The following MSI2 variants were observed in gnomAD, a reference collection of about 807,000 sequenced individuals.
MSI2 encodes RNA-binding protein Musashi homolog 2.
A neutral mutation model predicts 45.6 loss-of-function variants in MSI2; 17 were observed. The ratio of observed to expected loss-of-function variants is 0.37; its 90% confidence interval spans 0.26 to 0.56. The LOEUF is 0.56. MSI2 is among the 20% of genes least tolerant of loss of function. MSI2 has a pLI of 0.77. For synonymous variants in MSI2, 156 were observed against 158.2 expected (o/e 0.99, Z 0.11); for missense variants, 293 against 444.2 (o/e 0.66, Z 3.06).
At chr17:57,479,257 G>A (rs1349995272) in intron 6 of MSI2, among the ~76,000 whole-genome samples, 4 of 152,188 alleles carry the variant, frequency 2.6e-5, no homozygotes, top group Non-Finnish European at 4.4e-5. Flanking sequence ...ATGGGGCTTT[G>A]AGTGTTGGGG....
At chr17:57,307,692 G>A (rs1371543842) in intron 5 of MSI2, among the ~76,000 whole-genome samples, 2 of 151,132 alleles carry the variant, frequency 1.3e-5, no homozygotes, top group African/African-American at 4.9e-5. Context: ...CCCATCCACT[G>A]GCCTTGGCCT....
At chr17:57,650,604 C>T (rs1285272779) in intron 10 of MSI2, among the ~76,000 whole-genome samples, 1 of 152,184 alleles carries the variant, frequency 6.6e-6, no homozygotes, top group African/African-American at 2.4e-5. Flanking sequence ...CCAGGGACAA[C>T]CATACATTTA....
chr17:57,346,179 G>A (rs1341468508), intron 5 of MSI2, among the ~76,000 whole-genome samples: 2 of 152,010 alleles, frequency 1.3e-5, no homozygotes, highest in African/African-American at 4.8e-5. Context: ...AAAACATTTT[G>A]TAAGAAAACT....
the MSI2 span, among the ~76,000 whole-genome samples, chr17:57,690,730 G>A: frequency 2.5e-5 from 3 of 118,098 alleles, no homozygotes; most frequent in African/African-American, 1.3e-4. Context: ...CCCAGTCTTT[G>A]GCTATTCTCT....
chr17:57,629,877 A>G (rs1348120957), intron 10 of MSI2: 1 of 152,426 alleles, frequency 6.6e-6, no homozygotes, highest in Non-Finnish European at 1.5e-5. Flanking sequence ...TCAGGCTGCC[A>G]TTGCCCCTGA....
At chr17:57,585,038 G>C (rs2088309250) in intron 7 of MSI2, among the ~76,000 whole-genome samples, 1 of 151,998 alleles carries the variant, frequency 6.6e-6, no homozygotes, top group African/African-American at 2.4e-5. Context: ...GGCTGGTCTT[G>C]AACTCCTGAC....
Position 57,485,593 on chromosome 17 carries a change from G to A in MSI2, c.406-44083G>A, listed in dbSNP as rs72833060. ...CCCGTGATTCAACAGTTGGGGAAAT[G>A]TGGGTTCAACGGGCTCCCTTCCTGC... On this transcript the variant is annotated intron_variant, in intron 6 of 13. Transcript: ENST00000284073. 2.6e-3 allele frequency among the ~76,000 whole-genome samples: 390 copies of A among 152,332 alleles called. 4 individuals are homozygous for A. The highest frequency in any genetic ancestry group is 1.5e-3 in the Non-Finnish European group (105 of 68,036).
intron 7 of MSI2, among the ~76,000 whole-genome samples, chr17:57,540,570 C>T (rs1204300812): frequency 1.3e-5 from 2 of 152,168 alleles, no homozygotes; most frequent in African/African-American, 4.8e-5. Context: ...AAGAGGAGGT[C>T]TTAGTGGAGT....
intron 5 of MSI2, among the ~76,000 whole-genome samples, chr17:57,340,467 T>C (rs890030820): frequency 6.6e-6 from 1 of 152,184 alleles, no homozygotes; most frequent in Non-Finnish European, 1.5e-5. Context: ...CTAACAAATA[T>C]TAGTTCCTTC....
At chr17:57,598,317 G>A (rs1209336863) in intron 8 of MSI2, among the ~76,000 whole-genome samples, 1 of 152,182 alleles carries the variant, frequency 6.6e-6, no homozygotes, top group African/African-American at 2.4e-5. Context: ...TCTGATATGT[G>A]TTCACCAACT....
At chr17:57,399,720 C>T (rs1011657662) in intron 5 of MSI2, among the ~76,000 whole-genome samples, 4 of 152,210 alleles carry the variant, frequency 2.6e-5, no homozygotes, top group Non-Finnish European at 4.4e-5. Flanking sequence ...CTATGATGCT[C>T]ATGGATTCAT....
chr17:57,682,488 T>A lies in MSI2; in HGVS notation c.*2971T>A, dbSNP rs1439775734. 4.9e-6 allele frequency: 1 copy of A among 203,224 alleles called. No individual in the cohort carries two copies. The highest frequency in any genetic ancestry group is 2.3e-5 in the African/African-American group (1 of 43,774). The allele number at this position is 203,224 out of a possible 1,614,324, so 12.6% of individuals were successfully genotyped here. A position where few individuals can be genotyped will look rare whatever the true frequency, so the allele number is the denominator to read the frequency against. ...TTTAAGAATGCTCAGAAGAAATTGA[T>A]AATCTGTGTGAATATGTTTTAGATG... On this transcript the variant is annotated 3_prime_UTR_variant, in exon 14 of 14. Transcript: ENST00000284073.
downstream of MSI2, among the ~76,000 whole-genome samples, chr17:57,686,144 A>G (rs1211012049): frequency 1.3e-5 from 2 of 152,184 alleles, no homozygotes; most frequent in Admixed American, 1.3e-4. Flanking sequence ...CCCTGGGTTC[A>G]AGCCTGGTGA....
At chr17:57,336,072 G>A (rs1441316046) in intron 5 of MSI2, among the ~76,000 whole-genome samples, 1 of 152,194 alleles carries the variant, frequency 6.6e-6, no homozygotes, top group Non-Finnish European at 1.5e-5. Context: ...TTACTGCATG[G>A]CATAGAAACA....
At chr17:57,436,036 T>C (rs940271023) in intron 6 of MSI2, among the ~76,000 whole-genome samples, 1 of 152,202 alleles carries the variant, frequency 6.6e-6, no homozygotes, top group Non-Finnish European at 1.5e-5. Context: ...GGGTTAGCTC[T>C]TGGAATGAAT....
chr17:57,618,110 G>A (rs966980927), intron 9 of MSI2: 12 of 134,402 alleles, frequency 8.9e-5, no homozygotes, highest in South Asian at 2.8e-4. Flanking sequence ...AAACATTAGC[G>A]GGGTGTGGTG....
intron 6 of MSI2, among the ~76,000 whole-genome samples, chr17:57,514,592 G>A (rs767213074): frequency 1.3e-5 from 2 of 150,892 alleles, no homozygotes; most frequent in African/African-American, 2.4e-5. Context: ...GAGTGTTGAT[G>A]TAGAAATAAA....
chr17:57,515,322 A>G (rs928666932), intron 6 of MSI2, among the ~76,000 whole-genome samples: 1 of 152,094 alleles, frequency 6.6e-6, no homozygotes, highest in African/African-American at 2.4e-5. Context: ...TCCTGCCTCA[A>G]CATCCCGAGT....
At chr17:57,516,055 C>T (rs1280612575) in intron 6 of MSI2, among the ~76,000 whole-genome samples, 1 of 152,092 alleles carries the variant, frequency 6.6e-6, no homozygotes, top group African/African-American at 2.4e-5. Flanking sequence ...AGTGTTGGTA[C>T]CTTATCAGTT....
Sources: gnomAD v4.1 joint callset for allele counts (sites outside exome capture counted in the v4.1 genomes callset) on GRCh38, gnomAD v4.1.1 for gene constraint, MANE v1.5 for transcripts, NCBI Gene and HGNC (gene_info 2026-07-23, HGNC 2026-07-21) for gene names.